NCBP3: variants seen among roughly 807,000 people sequenced by gnomAD.
NCBP3 encodes the protein nuclear cap-binding protein subunit 3.
A neutral mutation model predicts 75.7 loss-of-function variants in NCBP3; 20 were observed. The observed-to-expected ratio is 0.26, with a 90% CI of 0.19 to 0.38. NCBP3 has a LOEUF of 0.38. Ranked by LOEUF, NCBP3 falls within the 10% of genes least tolerant of loss-of-function variation. The pLI, the probability that NCBP3 is intolerant of heterozygous loss-of-function variation, is 1.00. For missense variants in NCBP3, 678 were observed against 796.9 expected, an observed-to-expected ratio of 0.85 and a Z score of 1.80; for synonymous variants, 293 against 290.5, an observed-to-expected ratio of 1.01 and a Z score of -0.09.
chr17:3,820,929 TAAA>T (rs560315361), intron 9 of NCBP3, among the ~76,000 whole-genome samples: 1 of 140,224 alleles, frequency 7.1e-6, no homozygotes, highest in Non-Finnish European at 1.6e-5. Context: ...GACTCCGTCT[TAAA>T]AAAAAAAAAA....
intron 2 of NCBP3, among the ~76,000 whole-genome samples, chr17:3,840,533 A>G (rs780191289): frequency 2.0e-5 from 3 of 152,210 alleles, no homozygotes; most frequent in Non-Finnish European, 4.4e-5. Context: ...GTTATTATCA[A>G]TTATGCCAAC....
intron 3 of NCBP3, among the ~76,000 whole-genome samples, chr17:3,836,670 A>AAAAGAAT (rs978514869): frequency 6.6e-6 from 1 of 151,820 alleles, no homozygotes; most frequent in African/African-American, 2.4e-5. Flanking sequence ...AAAAAAAAAA[A>AAAAGAAT]AAAAGAATTC....
At chr17:3,842,834 C>CG (rs2054089970) in intron 2 of NCBP3, among the ~76,000 whole-genome samples, 1 of 152,080 alleles carries the variant, frequency 6.6e-6, no homozygotes, top group African/African-American at 2.4e-5. Context: ...TTCGTAGAGA[C>CG]GGGTCTCACT....
chr17:3,837,125 G>T (rs748968077), intron 3 of NCBP3, among the ~76,000 whole-genome samples: 5 of 151,216 alleles, frequency 3.3e-5, no homozygotes, highest in Admixed American at 6.6e-5. Flanking sequence ...TCCAGCCTGG[G>T]TGACAGAGCA....
At position 3,814,414 on chromosome 17, in the gene NCBP3, C is replaced by T. The variant is rs775157987; in HGVS notation, c.1535G>A (p.Arg512Gln). The T allele has an allele frequency of 8.7e-6, 14 of 1,614,058 alleles. No homozygotes were observed. Among genetic ancestry groups the T allele is most frequent in the African/African-American group, 2.7e-5 (2 of 74,912 alleles). ...EKAFSSNPVV[R>Q]REPSSDVHSR... ...ATGCACATCAGAAGAGGGCTCTCTC[C>T]GAACGACGGGGTTACTACTAAAAGC... Residue 512 changes from arginine to glutamine, a missense_variant, in exon 12 of 13, where the codon CGG (arginine) becomes CAG (glutamine). Arg to Gln is a conservative substitution (Grantham distance 43). Coordinates refer to ENST00000389005, the MANE Select transcript of NCBP3 (RefSeq NM_001114118.3).
rs184111975 is a variant in NCBP3 at position 3,814,477 on chromosome 17, C to A, written c.1472G>T (p.Arg491Leu). The A allele has an allele frequency of 6.2e-7, 1 of 1,613,880 alleles. No homozygotes were observed. Among genetic ancestry groups the A allele is most frequent in the African/African-American group, 1.3e-5 (1 of 74,996 alleles). The change falls in exon 12 of 13, where the codon CGC becomes CTC. Residue 491 changes from arginine (R) to leucine (L), a missense_variant. Coordinates refer to ENST00000389005, the MANE Select transcript of NCBP3 (RefSeq NM_001114118.3). ...ATGTGGTCTTTTTCCTAACCGCTGGCGTATATCTGAAAAAAGAGAAAAAGT... is the reference window on the plus strand; with the variant it reads ...ATGTGGTCTTTTTCCTAACCGCTGGAGTATATCTGAAAAAAGAGAAAAAGT... ...PPVSSTKSDI[R>L]QRLGKRPHSP...
At chr17:3,841,658 A>G (rs557995167) in intron 2 of NCBP3, among the ~76,000 whole-genome samples, 1 of 148,604 alleles carries the variant, frequency 6.7e-6, no homozygotes, top group East Asian at 2.0e-4. Context: ...TGGAAACACA[A>G]GAGACACAGA....
At chr17:3,839,844 C>T (rs1038557130) in intron 3 of NCBP3, among the ~76,000 whole-genome samples, 5 of 152,168 alleles carry the variant, frequency 3.3e-5, no homozygotes, top group Non-Finnish European at 7.3e-5. Context: ...CTCAGCTCTG[C>T]CACTAACTGG....
At chr17:3,829,103 AT>A in intron 4 of NCBP3, 139 bp downstream of exon 4, 2 of 952,930 alleles carry the variant, frequency 2.1e-6, no homozygotes, top group Non-Finnish European at 3.1e-6. Context: ...CTGCTCGACA[AT>A]TTTTTCTCTC....
Position 3,803,987 on chromosome 17 carries a change from G to A in NCBP3, c.*9057C>T, listed in dbSNP as rs1323344403. On this transcript the variant is annotated 3_prime_UTR_variant, in exon 13 of 13. Coordinates refer to ENST00000389005, the MANE Select transcript of NCBP3 (RefSeq NM_001114118.3). The stretch of plus-strand genomic sequence containing the variant: ...AGCTACTCAGGAGGGTGAGGCAGGA[G>A]AATGGCGTGAACCCAGGAGGCGGAG... 1 of 152,146 alleles carries A rather than the reference G, an allele frequency of 6.6e-6. No homozygotes were observed. The highest frequency in any genetic ancestry group is 2.4e-5 in the African/African-American group (1 of 41,424). The allele number at this position is 152,146 out of a possible 1,614,324, so 9.4% of individuals were successfully genotyped here. A position where few individuals can be genotyped will look rare whatever the true frequency, so the allele number is the denominator to read the frequency against.
Position 3,813,103 on chromosome 17 carries a change from G to T in NCBP3, c.1804C>A (p.Pro602Thr), listed in dbSNP as rs770426515. The T allele has an allele frequency of 6.2e-7, 1 of 1,614,104 alleles. No individual in the cohort carries two copies. The highest frequency in any genetic ancestry group is 8.5e-7 in the Non-Finnish European group (1 of 1,180,046). ...RQKKSRLDNL[P>T]SLQIEVSRES... is the part of the protein sequence containing the mutation. Reference sequence around the variant, plus strand: ...CGACTAACTTCAATCTGGAGAGATGGTAAGTTATCTAACCGGCTCTTCTTT... The same window carrying T: ...CGACTAACTTCAATCTGGAGAGATGTTAAGTTATCTAACCGGCTCTTCTTT... The change falls in exon 13 of 13, where the codon CCA becomes ACA. Residue 602 changes from proline (P) to threonine (T), a missense_variant. By Grantham distance (38) the Pro-to-Thr change is conservative. Transcript: ENST00000389005.
rs752827217 is a variant in NCBP3 at position 3,816,177 on chromosome 17, A to T, written c.1404T>A (p.His468Gln). The T allele has an allele frequency of 3.7e-6, 6 of 1,614,158 alleles. No homozygotes were observed. The South Asian group carries it at 6.6e-5, about 18-fold the overall frequency. Residue 468 changes from histidine to glutamine, a missense_variant, in exon 11 of 13, where the codon CAT (histidine) becomes CAA (glutamine). Physicochemically the swap from His to Gln is conservative, Grantham distance 24. Transcript: ENST00000389005. Reference protein sequence around the residue: ...LPPEKFADVRHLLDEKRQHSR... With the variant: ...LPPEKFADVRQLLDEKRQHSR... ...AGTGCTGACGTTTCTCATCTAATAG[A>T]TGTCGGACATCTGCAAATTTCTCAG...
At chr17:3,840,523 GTTA>G (rs2054046019) in intron 2 of NCBP3, among the ~76,000 whole-genome samples, 1 of 152,166 alleles carries the variant, frequency 6.6e-6, no homozygotes, top group Admixed American at 6.5e-5. Context: ...CACTTCATTT[GTTA>G]TTATCAATTA....
In NCBP3 at chr17:3,835,165, T is replaced by C. The variant is rs114667899; in HGVS notation, c.355+4935A>G. On this transcript the variant is annotated intron_variant, in intron 3 of 12. Coordinates refer to ENST00000389005, the MANE Select transcript of NCBP3 (RefSeq NM_001114118.3). ...CACTCAGCAGACTGAAAGCAGAGGTTTGAAATCAACAAGATGTAATTTAAT... is the reference window on the plus strand; with the variant it reads ...CACTCAGCAGACTGAAAGCAGAGGTCTGAAATCAACAAGATGTAATTTAAT... 3.2e-3 allele frequency among the ~76,000 whole-genome samples: 480 copies of C among 152,316 alleles called. 4 individuals carry two copies. The highest frequency in any genetic ancestry group is 0.011 in the African/African-American group (454 of 41,562).
intron 11 of NCBP3, among the ~76,000 whole-genome samples, chr17:3,814,764 CTAAG>C (rs777838477): frequency 7.3e-5 from 11 of 150,922 alleles, no homozygotes; most frequent in Non-Finnish European, 1.2e-4. Flanking sequence ...ATCAAGAAGA[CTAAG>C]TAATTTACAA....
At chr17:3,836,413 G>C (rs1209438169) in intron 3 of NCBP3, among the ~76,000 whole-genome samples, 1 of 152,150 alleles carries the variant, frequency 6.6e-6, no homozygotes, top group Non-Finnish European at 1.5e-5. Context: ...CCAGCACTTT[G>C]GGAGGCTGAG....
intron 7 of NCBP3, chr17:3,824,614 A>G (rs1191156760): frequency 5.3e-6 from 1 of 190,416 alleles, no homozygotes; most frequent in Non-Finnish European, 1.1e-5. Flanking sequence ...GGCAATGTTC[A>G]GGAGGACGTT....
In NCBP3 at chr17:3,814,488, A is replaced by T; in HGVS notation, c.1466-5T>A. On this transcript the variant is annotated splice_polypyrimidine_tract_variant and splice_region_variant and intron_variant, in intron 11 of 12. Transcript: ENST00000389005. ...TTCCTAACCGCTGGCGTATATCTGA[A>T]AAAAGAGAAAAAGTGCACCAGTGAC... 1 of 1,613,800 alleles carries T rather than the reference A, an allele frequency of 6.2e-7. No homozygotes were observed.
At position 3,802,245 on chromosome 17, in the gene NCBP3, C is replaced by A. The variant is rs2053275199; in HGVS notation, c.*10799G>T. ...GGCTCTCTAACACGAGTGTCTGCAG[C>A]CCCATTCGCTTTGAGATGTGAATGT... On this transcript the variant is annotated 3_prime_UTR_variant, in exon 13 of 13. Transcript: ENST00000389005. 6.6e-6 allele frequency: 1 copy of A among 152,106 alleles called. No individual in the cohort carries two copies. Among genetic ancestry groups the A allele is most frequent in the Non-Finnish European group, 1.5e-5 (1 of 68,012 alleles). The allele number at this position is 152,106 out of a possible 1,614,324, so 9.4% of individuals were successfully genotyped here. A position where few individuals can be genotyped will look rare whatever the true frequency, so the allele number is the denominator to read the frequency against.
Sources: gnomAD v4.1 joint callset for allele counts (sites outside exome capture counted in the v4.1 genomes callset) on GRCh38, gnomAD v4.1.1 for gene constraint, MANE v1.5 for transcripts, NCBI Gene and HGNC (gene_info 2026-07-23, HGNC 2026-07-21) for gene names.